The following PLOD2 variants were observed in gnomAD, a reference collection of about 807,000 sequenced individuals.
The protein encoded by PLOD2 is procollagen-lysine,2-oxoglutarate 5-dioxygenase 2, also known as lysine hydroxylase 2.
A neutral mutation model predicts 101.0 loss-of-function variants in PLOD2; 65 were observed. That is an observed-to-expected ratio of 0.64 (90% CI 0.53 to 0.79). The LOEUF is 0.79. Among genes scored for constraint, PLOD2 ranks in the 30% least tolerant of loss-of-function variants. The pLI, the probability that PLOD2 is intolerant of heterozygous loss-of-function variation, is 0.00. For synonymous variants in PLOD2, 314 were observed against 302.9 expected, an observed-to-expected ratio of 1.04 and a Z score of -0.38; for missense variants, 909 against 914.6, an observed-to-expected ratio of 0.99 and a Z score of 0.08.
At chr3:146,085,509 T>A (rs187507559) in intron 10 of PLOD2, 1 of 530,474 alleles carries the variant, frequency 1.9e-6, no homozygotes, top group East Asian at 3.0e-5. Context: ...AGTTAAAATA[T>A]ATTTTCAAGC....
intron 5 of PLOD2, among the ~76,000 whole-genome samples, chr3:146,104,570 A>T (rs934533376): frequency 1.3e-5 from 2 of 152,220 alleles, no homozygotes; most frequent in African/African-American, 4.8e-5. Context: ...TTTCCTAATG[A>T]CAGCAACTAC....
chr3:146,143,693 T>A (rs2031641141), intron 1 of PLOD2, among the ~76,000 whole-genome samples: 1 of 152,148 alleles, frequency 6.6e-6, no homozygotes, highest in Admixed American at 6.6e-5. Flanking sequence ...ACAGCCACCC[T>A]TTAGAGAGGC....
intron 5 of PLOD2, among the ~76,000 whole-genome samples, chr3:146,104,743 G>A (rs1937508097): frequency 6.6e-6 from 1 of 152,042 alleles, no homozygotes; most frequent in Non-Finnish European, 1.5e-5. Flanking sequence ...ATTCTCTCTA[G>A]GGTCTATGGA....
chr3:146,104,232 AG>A (rs1386041027), intron 6 of PLOD2, 46 bp downstream of exon 6: 2 of 1,009,272 alleles, frequency 2.0e-6, no homozygotes, highest in Admixed American at 3.4e-5. Context: ...TTGAAAACAC[AG>A]GTGTTTGTTT....
chr3:146,084,540 G>A (rs1467233675), intron 11 of PLOD2, among the ~76,000 whole-genome samples: 1 of 152,050 alleles, frequency 6.6e-6, no homozygotes, highest in African/African-American at 2.4e-5. Context: ...ACAATACCTG[G>A]CACTTAATAA....
chr3:146,086,743 C>T (rs1486042042), intron 10 of PLOD2, 44 bp downstream of exon 10: 1 of 1,260,714 alleles, frequency 7.9e-7, no homozygotes, highest in East Asian at 2.6e-5. Flanking sequence ...TTAACGTTTC[C>T]TTAGTAAAAT....
chr3:146,130,339 A>G (rs1455436876), intron 1 of PLOD2, among the ~76,000 whole-genome samples: 2 of 152,000 alleles, frequency 1.3e-5, no homozygotes, highest in African/African-American at 4.8e-5. Flanking sequence ...TGCACTTTCT[A>G]CCTTTCTTTC....
chr3:146,071,907 C>T (rs1176157622), intron 17 of PLOD2, among the ~76,000 whole-genome samples: 1 of 151,592 alleles, frequency 6.6e-6, no homozygotes, highest in Non-Finnish European at 1.5e-5. Context: ...ATTTCATCAC[C>T]CACTAACTTA....
chr3:146,115,647 A>G (rs959187489), intron 3 of PLOD2, among the ~76,000 whole-genome samples: 1 of 152,164 alleles, frequency 6.6e-6, no homozygotes, highest in African/African-American at 2.4e-5. Flanking sequence ...TACATTACCC[A>G]TCTCTTCCTC....
intron 1 of PLOD2, among the ~76,000 whole-genome samples, chr3:146,148,338 G>GCGCACACACA (rs71633958): frequency 0.011 from 1,627 of 146,528 alleles, 33 homozygotes; most frequent in African/African-American, 0.039. Flanking sequence ...AGGCAGGCAC[G>GCGCACACACA]CACACACACA....
Position 146,104,300 on chromosome 3 carries a change from G to T in PLOD2, c.658C>A (p.Gln220Lys). ...ITLDHKCKIF[Q>K]TLNGAVDEVV... ...ATACCTACAGCTCCATTTAAGGTCTGGAAAATTTTGCATTTGTGATCCAAT... is the reference window on the plus strand; with the variant it reads ...ATACCTACAGCTCCATTTAAGGTCTTGAAAATTTTGCATTTGTGATCCAAT... Residue 220 changes from glutamine (Q) to lysine (K), a missense_variant, in exon 6 of 20, where the codon CAG becomes AAG. Gln to Lys is a moderately conservative substitution (Grantham distance 53). Coordinates refer to ENST00000282903, the MANE Select transcript of PLOD2 (RefSeq NM_182943.3). The T allele has an allele frequency of 6.3e-7, 1 of 1,592,970 alleles. No individual in the cohort carries two copies. Among genetic ancestry groups the T allele is most frequent in the Non-Finnish European group, 8.6e-7 (1 of 1,160,856 alleles).
At chr3:146,149,574 T>C (rs1032074277) in intron 1 of PLOD2, among the ~76,000 whole-genome samples, 7 of 152,238 alleles carry the variant, frequency 4.6e-5, no homozygotes, top group African/African-American at 1.4e-4. Flanking sequence ...ATGTAATACT[T>C]CATTTTTTAA....
intron 1 of PLOD2, among the ~76,000 whole-genome samples, chr3:146,130,131 C>G (rs2108107893): frequency 6.6e-6 from 1 of 152,244 alleles, no homozygotes. Context: ...ACCACATTGG[C>G]CTGTATTTTT....
intron 9 of PLOD2, among the ~76,000 whole-genome samples, chr3:146,087,967 C>T (rs1216397288): frequency 6.6e-6 from 1 of 151,688 alleles, no homozygotes; most frequent in African/African-American, 2.4e-5. Flanking sequence ...GAGAAAATCG[C>T]ACACTTCACA....
intron 3 of PLOD2, among the ~76,000 whole-genome samples, chr3:146,113,808 T>C (rs558219392): frequency 6.6e-6 from 1 of 152,298 alleles, no homozygotes; most frequent in South Asian, 2.1e-4. Context: ...ATAACAGCGA[T>C]GTTCAGGGAA....
intron 9 of PLOD2, among the ~76,000 whole-genome samples, chr3:146,088,291 T>C (rs1936855042): frequency 6.6e-6 from 1 of 151,596 alleles, no homozygotes; most frequent in African/African-American, 2.4e-5. Flanking sequence ...GGCAAAGGGA[T>C]TTAAGGCCCT....
chr3:146,132,597 T>C (rs1204919802), intron 1 of PLOD2, among the ~76,000 whole-genome samples: 1 of 152,200 alleles, frequency 6.6e-6, no homozygotes, highest in Admixed American at 6.5e-5. Flanking sequence ...GAACTTTTTT[T>C]TTTAGGTTTC....
intron 2 of PLOD2, among the ~76,000 whole-genome samples, chr3:146,121,530 A>T (rs1244769806): frequency 6.6e-6 from 1 of 152,104 alleles, no homozygotes; most frequent in East Asian, 1.9e-4. Flanking sequence ...ACATTACATC[A>T]TTTTATTCCT....
intron 7 of PLOD2, among the ~76,000 whole-genome samples, chr3:146,092,780 A>T (rs1185520855): frequency 6.6e-6 from 1 of 152,108 alleles, no homozygotes; most frequent in Non-Finnish European, 1.5e-5. Flanking sequence ...CAAAATTTTT[A>T]ATATCCCTAG....
Sources: allele counts gnomAD v4.1 joint callset (sites outside exome capture counted in the v4.1 genomes callset), GRCh38; gene constraint gnomAD v4.1.1; transcripts MANE v1.5; gene names NCBI Gene and HGNC (gene_info 2026-07-23, HGNC 2026-07-21).